Variants in ITGA9 observed in about 807,000 individuals in gnomAD.
ITGA9 encodes integrin subunit alpha 9, also known as integrin alpha-9.
In ITGA9, 56 loss-of-function variants were observed where a neutral mutation model predicts 127.8. The observed-to-expected ratio is 0.44, with a 90% CI of 0.35 to 0.55. ITGA9 has a LOEUF of 0.55. Among genes scored for constraint, ITGA9 ranks in the 20% least tolerant of loss-of-function variants. The probability of loss-of-function intolerance (pLI) is 0.00; values close to 1 mark genes in which losing one functional copy is unlikely to be tolerated. For synonymous variants in ITGA9, 508 were observed against 514.5 expected, an observed-to-expected ratio of 0.99 and a Z score of 0.17; for missense variants, 1,196 against 1,347.1, an observed-to-expected ratio of 0.89 and a Z score of 1.76.
intron 5 of ITGA9, among the ~76,000 whole-genome samples, chr3:37,497,413 T>G (rs532597347): frequency 6.6e-6 from 1 of 151,972 alleles, no homozygotes; most frequent in East Asian, 1.9e-4. Flanking sequence ...CATGAACAGC[T>G]GGGCAGGAGA....
intron 15 of ITGA9, among the ~76,000 whole-genome samples, chr3:37,566,552 A>G (rs925831563): frequency 6.6e-6 from 1 of 152,242 alleles, no homozygotes; most frequent in Non-Finnish European, 1.5e-5. Flanking sequence ...ACTCAAGATT[A>G]GGAATCTATT....
intron 21 of ITGA9, 25 bp downstream of exon 21, chr3:37,741,844 C>G: frequency 1.3e-6 from 2 of 1,573,974 alleles, no homozygotes; most frequent in Non-Finnish European, 1.7e-6. Flanking sequence ...CCTGGGTTGC[C>G]ACAACACAGG....
intron 17 of ITGA9, among the ~76,000 whole-genome samples, chr3:37,670,537 C>T (rs1038164505): frequency 6.6e-6 from 1 of 152,180 alleles, no homozygotes; most frequent in Non-Finnish European, 1.5e-5. Context: ...ATGTAGGAAA[C>T]AGACTACAGT....
At chr3:37,634,455 G>T (rs1316180466) in intron 16 of ITGA9, among the ~76,000 whole-genome samples, 1 of 152,110 alleles carries the variant, frequency 6.6e-6, no homozygotes, top group Non-Finnish European at 1.5e-5. Flanking sequence ...AGCAGGAGTA[G>T]ACTTTAAGTC....
At chr3:37,742,391 C>G (rs939910519) in intron 21 of ITGA9, among the ~76,000 whole-genome samples, 1 of 152,186 alleles carries the variant, frequency 6.6e-6, no homozygotes, top group African/African-American at 2.4e-5. Flanking sequence ...CACTGTCTGT[C>G]TGGGTCAAGT....
chr3:37,687,395 G>A (rs1039479631), intron 18 of ITGA9, among the ~76,000 whole-genome samples: 2 of 151,910 alleles, frequency 1.3e-5, no homozygotes, highest in African/African-American at 4.9e-5. Context: ...AGGATGACAT[G>A]AGGACTATAT....
At chr3:37,536,999 T>G (rs1699214255) in intron 14 of ITGA9, among the ~76,000 whole-genome samples, 1 of 152,224 alleles carries the variant, frequency 6.6e-6, no homozygotes, top group African/African-American at 2.4e-5. Flanking sequence ...GACTAGAAAC[T>G]CTGAAGGTGG....
chr3:37,568,867 G>A (rs377661019), intron 15 of ITGA9, among the ~76,000 whole-genome samples: 2 of 152,126 alleles, frequency 1.3e-5, no homozygotes, highest in Non-Finnish European at 2.9e-5. Context: ...CACATTTCCT[G>A]TCTTCTTCTG....
chr3:37,561,347 A>G (rs1699485875), intron 15 of ITGA9, among the ~76,000 whole-genome samples: 1 of 152,232 alleles, frequency 6.6e-6, no homozygotes, highest in Non-Finnish European at 1.5e-5. Context: ...TGGTGACCGT[A>G]TCAGACAGTG....
chr3:37,589,522 G>A (rs535638392), intron 15 of ITGA9, among the ~76,000 whole-genome samples: 1 of 152,354 alleles, frequency 6.6e-6, no homozygotes, highest in African/African-American at 2.4e-5. Context: ...ATGGAAAAAG[G>A]TGGATAAGGG....
In ITGA9 at chr3:37,452,478, A is replaced by C; in HGVS notation, c.104A>C (p.Gln35Pro). ...GCGGGCGCCTACAACCTCGACCCGCAGCGCCCCGTGCACTTCCAGGGCCCC... is the reference window on the plus strand; with the variant it reads ...GCGGGCGCCTACAACCTCGACCCGCCGCGCCCCGTGCACTTCCAGGGCCCC... ...IPAGAYNLDP[Q>P]RPVHFQGPAD... The change falls in exon 1 of 28, where the codon CAG becomes CCG. Residue 35 changes from glutamine to proline, a missense_variant. Physicochemically the swap from Gln to Pro is moderately conservative, Grantham distance 76 (BLOSUM62 -1). Transcript: ENST00000264741. This position sits in a 1 kb window ranked among gnomAD's most constrained non-coding sequence, Gnocchi z 7.3. The C allele has an allele frequency of 6.6e-7, 1 of 1,508,950 alleles. No homozygotes were observed. Among genetic ancestry groups the C allele is most frequent in the Non-Finnish European group, 8.9e-7 (1 of 1,128,034 alleles). The allele number at this position is 1,508,950 out of a possible 1,614,324, so 93.5% of individuals were successfully genotyped here. A position where few individuals can be genotyped will look rare whatever the true frequency, so the allele number is the denominator to read the frequency against.
At chr3:37,766,332 A>G (rs1696779963) in intron 23 of ITGA9, among the ~76,000 whole-genome samples, 1 of 152,232 alleles carries the variant, frequency 6.6e-6, no homozygotes, top group Non-Finnish European at 1.5e-5. Flanking sequence ...ACTTCTCTTT[A>G]ATCTAAACTT....
At chr3:37,783,235 C>T (rs1696999633) in intron 25 of ITGA9, among the ~76,000 whole-genome samples, 1 of 152,160 alleles carries the variant, frequency 6.6e-6, no homozygotes, top group Admixed American at 6.5e-5. Context: ...CGTGGGGGCC[C>T]ATCCTGTGCC....
intron 18 of ITGA9, among the ~76,000 whole-genome samples, chr3:37,702,087 G>A (rs1700952727): frequency 6.6e-6 from 1 of 152,188 alleles, no homozygotes; most frequent in Non-Finnish European, 1.5e-5. Context: ...TGTAGCCATG[G>A]CTGCCAACAT....
intron 22 of ITGA9, among the ~76,000 whole-genome samples, chr3:37,747,417 T>G (rs1696514602): frequency 6.6e-6 from 1 of 152,230 alleles, no homozygotes; most frequent in Non-Finnish European, 1.5e-5. Flanking sequence ...CTCTTTTAGT[T>G]ACTTTAAAAT....
At chr3:37,481,339 A>G (rs1170056080) in intron 3 of ITGA9, 145 bp from the exon 4 acceptor site, 2 of 1,038,800 alleles carry the variant, frequency 1.9e-6, no homozygotes, top group African/African-American at 3.1e-5. Flanking sequence ...GATGCCCAGA[A>G]AAGTGCCTGT....
At chr3:37,761,987 A>T (rs1696728541) in intron 23 of ITGA9, among the ~76,000 whole-genome samples, 1 of 152,244 alleles carries the variant, frequency 6.6e-6, no homozygotes, top group Non-Finnish European at 1.5e-5. Flanking sequence ...TTAGCATTTA[A>T]TCAAGAAATA....
At chr3:37,763,657 G>A (rs186075343) in intron 23 of ITGA9, among the ~76,000 whole-genome samples, 1 of 152,154 alleles carries the variant, frequency 6.6e-6, no homozygotes, top group Non-Finnish European at 1.5e-5. Context: ...ATGCTTAGAG[G>A]ATAATTGCAA....
chr3:37,562,398 C>T (rs957097384), intron 15 of ITGA9, among the ~76,000 whole-genome samples: 2 of 152,114 alleles, frequency 1.3e-5, no homozygotes, highest in African/African-American at 4.8e-5. Flanking sequence ...TTGAATTATC[C>T]GTATTCTTTG....
Sources: allele counts gnomAD v4.1 joint callset (sites outside exome capture counted in the v4.1 genomes callset), GRCh38; gene constraint gnomAD v4.1.1; non-coding constraint Gnocchi (gnomAD v3.1); transcripts MANE v1.5; gene names NCBI Gene and HGNC (gene_info 2026-07-23, HGNC 2026-07-21).